The following SAE1 variants were observed in gnomAD, a reference collection of about 807,000 sequenced individuals.
SAE1 encodes the protein SUMO-activating enzyme subunit 1.
Under a neutral mutation model 40.6 loss-of-function variants are expected in SAE1, and 11 were observed. The observed-to-expected ratio is 0.27, with a 90% CI of 0.17 to 0.45. The LOEUF is 0.45. SAE1 is among the 20% of genes least tolerant of loss of function. SAE1 has a pLI of 1.00. For missense variants in SAE1, 373 were observed against 427.3 expected (o/e 0.87, Z 1.12); for synonymous variants, 155 against 154.3 (o/e 1.00, Z -0.03).
chr19:47,185,271 A>G (rs983953481), intron 6 of SAE1, among the ~76,000 whole-genome samples: 24 of 152,092 alleles, frequency 1.6e-4, no homozygotes, highest in African/African-American at 5.6e-4. Flanking sequence ...TAAATCCAAG[A>G]ACCCAAAATC....
chr19:47,192,319 C>T (rs901155109), intron 6 of SAE1, among the ~76,000 whole-genome samples: 9 of 152,004 alleles, frequency 5.9e-5, no homozygotes, highest in African/African-American at 1.7e-4. Flanking sequence ...GGCACGATAC[C>T]GGCTCACTGC....
rs1327516555 is a variant in SAE1 at position 47,130,898 on chromosome 19, G to C, written c.-33G>C. 4 of 1,547,982 alleles carry C rather than the reference G, an allele frequency of 2.6e-6. No homozygotes were observed. The highest frequency in any genetic ancestry group is 3.9e-5 in the Admixed American group (2 of 50,808). On this transcript the variant is annotated 5_prime_UTR_variant, in exon 1 of 9. Coordinates refer to ENST00000270225, the MANE Select transcript of SAE1 (RefSeq NM_005500.3). Reference sequence around the variant, plus strand: ...GGTCCGGCGGGCGGTTGGCTTGAGCGGGACCGGAGCTGAGGCAGGAAGAGC... The same window carrying C: ...GGTCCGGCGGGCGGTTGGCTTGAGCCGGACCGGAGCTGAGGCAGGAAGAGC...
At chr19:47,191,518 C>T (rs1467369855) in intron 6 of SAE1, among the ~76,000 whole-genome samples, 3 of 152,166 alleles carry the variant, frequency 2.0e-5, no homozygotes, top group Non-Finnish European at 4.4e-5. Flanking sequence ...CAAAGCTGTG[C>T]ATGGGCTGCT....
rs61498882 is a variant in SAE1 at position 47,196,333 on chromosome 19, CTTTTTTTTTT to C, written c.734-875_734-866del. Among the ~76,000 whole-genome samples, 6 of 27,884 alleles carry C rather than the reference CTTTTTTTTTT, an allele frequency of 2.2e-4. No homozygotes were observed. The East Asian group carries it at 6.5e-3, about 30-fold the overall frequency. 18.3% of individuals were successfully genotyped at this position (27,884 alleles called of 152,430 possible). A position where few individuals can be genotyped will look rare whatever the true frequency, so the allele number is the denominator to read the frequency against. ...TACAGGCGTGAGCCACCGCGCCTGGCTTTTTTTTTTTTTTTTTTTTTTTTTTTTTTTTTTA... is the reference window on the plus strand; with the variant it reads ...TACAGGCGTGAGCCACCGCGCCTGGCTTTTTTTTTTTTTTTTTTTTTTTTA... On this transcript the variant is annotated intron_variant, in intron 6 of 8. Transcript: ENST00000270225.
At chr19:47,143,072 C>G (rs140530433) in intron 1 of SAE1, among the ~76,000 whole-genome samples, 307 of 152,010 alleles carry the variant, frequency 2.0e-3, no homozygotes, top group African/African-American at 7.1e-3. Flanking sequence ...TTCCTAGATT[C>G]GAGGTGTGAT....
chr19:47,137,056 A>G (rs575231667), intron 1 of SAE1, among the ~76,000 whole-genome samples: 2 of 152,272 alleles, frequency 1.3e-5, no homozygotes, highest in African/African-American at 4.8e-5. Context: ...TCCAAAAGTC[A>G]GTTTCATGGG....
intron 6 of SAE1, among the ~76,000 whole-genome samples, chr19:47,189,530 C>G (rs765286640): frequency 3.9e-5 from 6 of 152,086 alleles, no homozygotes; most frequent in Non-Finnish European, 8.8e-5. Flanking sequence ...CACTGCACTC[C>G]AGCCTGGGTG....
chr19:47,138,251 C>A (rs2058194801), intron 1 of SAE1, among the ~76,000 whole-genome samples: 1 of 151,990 alleles, frequency 6.6e-6, no homozygotes, highest in Admixed American at 6.6e-5. Flanking sequence ...GCCATGTTGG[C>A]CAGGGTGGTC....
intron 5 of SAE1, among the ~76,000 whole-genome samples, chr19:47,164,030 A>G (rs2058374636): frequency 6.6e-6 from 1 of 152,100 alleles, no homozygotes; most frequent in Non-Finnish European, 1.5e-5. Context: ...CGGCCTCCCA[A>G]AGTTTTGGGA....
intron 6 of SAE1, among the ~76,000 whole-genome samples, chr19:47,196,333 C>CTTTTTTTTTTTTTTTTT (rs61498882): frequency 3.6e-5 from 1 of 27,884 alleles, no homozygotes; most frequent in Non-Finnish European, 5.5e-5. Flanking sequence ...CCGCGCCTGG[C>CTTTTTTTTTTTTTTTTT]TTTTTTTTTT....
chr19:47,159,957 G>T (rs2123228580), intron 5 of SAE1, among the ~76,000 whole-genome samples: 1 of 152,320 alleles, frequency 6.6e-6, no homozygotes, highest in Admixed American at 6.5e-5. Context: ...GCCTCCCAAA[G>T]TACTGGGATT....
At chr19:47,206,103 G>A (rs546094680) in intron 8 of SAE1, among the ~76,000 whole-genome samples, 1 of 152,334 alleles carries the variant, frequency 6.6e-6, no homozygotes, top group South Asian at 2.1e-4. Context: ...GTTGGTGGTA[G>A]TTTCTCACAT....
Position 47,182,496 on chromosome 19 carries a change from T to TGTGTGTGTGTGTGTGCGCGCGC in SAE1, c.733+12574_733+12575insTGTGTGTGTGTGTGCGCGCGCG, listed in dbSNP as rs143321323. ...GTGTGTGTGTGTGTGTGTGTGTGTGTGCGCGCACGCACGCGCGCGCGCACA... is the reference window on the plus strand; with the variant it reads ...GTGTGTGTGTGTGTGTGTGTGTGTGTGTGTGTGTGTGTGTGCGCGCGCGCGCGCACGCACGCGCGCGCGCACA... On this transcript the variant is annotated intron_variant, in intron 6 of 8. Coordinates refer to ENST00000270225, the MANE Select transcript of SAE1 (RefSeq NM_005500.3). Among the ~76,000 whole-genome samples the TGTGTGTGTGTGTGTGCGCGCGC allele has an allele frequency of 1.4e-4, 21 of 146,040 alleles. No homozygotes were observed. In the East Asian group the frequency reaches 3.5e-3, roughly 24 times the overall value.
At chr19:47,181,780 C>CTTTTTTTTTTT (rs36107839) in intron 6 of SAE1, among the ~76,000 whole-genome samples, 1 of 96,546 alleles carries the variant, frequency 1.0e-5, no homozygotes, top group Non-Finnish European at 1.9e-5. Flanking sequence ...CACCTGGCCT[C>CTTTTTTTTTTT]TTTTTTTTTT....
chr19:47,185,960 C>T (rs2058541611), intron 6 of SAE1, among the ~76,000 whole-genome samples: 1 of 150,886 alleles, frequency 6.6e-6, no homozygotes, highest in Non-Finnish European at 1.5e-5. Flanking sequence ...CTTATTGGCC[C>T]CGGGCGTGGT....
intron 4 of SAE1, among the ~76,000 whole-genome samples, chr19:47,154,480 CTTTTTTTTTTT>C (rs57870733): frequency 7.8e-4 from 40 of 51,606 alleles, no homozygotes; most frequent in East Asian, 3.6e-3. Flanking sequence ...TTAAGTTTGG[CTTTTTTTTTTT>C]TTTTTTTTTT....
At chr19:47,201,023 A>AT (rs932103961) in intron 7 of SAE1, among the ~76,000 whole-genome samples, 15 of 148,860 alleles carry the variant, frequency 1.0e-4, no homozygotes, top group South Asian at 2.1e-4. Context: ...ATGCCCAGCT[A>AT]TTTTTTTTTA....
At chr19:47,167,700 A>G (rs2058402975) in intron 5 of SAE1, among the ~76,000 whole-genome samples, 1 of 152,090 alleles carries the variant, frequency 6.6e-6, no homozygotes. Context: ...GTATGGAGAG[A>G]GAGGGAGGAA....
At chr19:47,185,630 C>T (rs1024711729) in intron 6 of SAE1, among the ~76,000 whole-genome samples, 1 of 151,542 alleles carries the variant, frequency 6.6e-6, no homozygotes, top group African/African-American at 2.4e-5. Context: ...GAGACAGAGT[C>T]TCACTGTGTC....
Sources: allele counts gnomAD v4.1 joint callset (sites outside exome capture counted in the v4.1 genomes callset), GRCh38; gene constraint gnomAD v4.1.1; transcripts MANE v1.5; gene names NCBI Gene and HGNC (gene_info 2026-07-23, HGNC 2026-07-21).